Variants in CLEC12A observed in about 807,000 individuals in gnomAD.
CLEC12A encodes C-type lectin domain family 12 member A.
In CLEC12A, 22 loss-of-function variants were observed where a neutral mutation model predicts 26.5. That is an observed-to-expected ratio of 0.83 (90% CI 0.59 to 1.19). The LOEUF is 1.19. CLEC12A is among the 50% of genes most tolerant of loss of function. CLEC12A has a pLI of 0.00. For synonymous variants in CLEC12A, 119 were observed against 101.9 expected (o/e 1.17, Z -1.01); for missense variants, 353 against 315.6 (o/e 1.12, Z -0.90).
intron 5 of CLEC12A, chr12:9,984,242 T>G (rs1429961090): frequency 6.6e-6 from 1 of 152,590 alleles, no homozygotes; most frequent in Non-Finnish European, 1.5e-5. Context: ...AAACATTTAA[T>G]TGATGAACTT....
chr12:10,006,059 C>T, the CLEC12A span, among the ~76,000 whole-genome samples: 1 of 152,152 alleles, frequency 6.6e-6, no homozygotes, highest in African/African-American at 2.4e-5. Flanking sequence ...ATAATACTTC[C>T]ACATTTAATA....
intron 4 of CLEC12A, chr12:9,993,124 T>C (rs765461731): frequency 6.2e-7 from 1 of 1,602,922 alleles, no homozygotes; most frequent in Non-Finnish European, 8.5e-7. Context: ...ATCTGTGTTA[T>C]CCTGTCCACC....
At chr12:10,002,440 G>GTTTTTTTTTTTTTTTTTTTTTTTTTTTTT in the CLEC12A span, among the ~76,000 whole-genome samples, 1 of 40,480 alleles carries the variant, frequency 2.5e-5, no homozygotes, top group Non-Finnish European at 5.0e-5. Context: ...GTTGGGTAAT[G>GTTTTTTTTTTTTTTTTTTTTTTTTTTTTT]TTTTTTTTTT....
chr12:9,979,635 TG>T lies in CLEC12A; in HGVS notation c.379+116del, dbSNP rs1280453662. 7 of 776,128 alleles carry T rather than the reference TG, an allele frequency of 9.0e-6. No individual in the cohort carries two copies. In the East Asian group the frequency reaches 1.7e-4, roughly 18 times the overall value. The allele number at this position is 776,128 out of a possible 1,614,324, so 48.1% of individuals were successfully genotyped here. On this transcript the variant is annotated intron_variant, in intron 3 of 5. Coordinates refer to ENST00000304361, the MANE Select transcript of CLEC12A (RefSeq NM_138337.6). ...AGCCTTTCTCTAGGGAGTCATAATTTGGGGGAAAGAATTACATGTGGTTGAT... is the reference window on the plus strand; with the variant it reads ...AGCCTTTCTCTAGGGAGTCATAATTTGGGGAAAGAATTACATGTGGTTGAT...
Position 9,954,942 on chromosome 12 carries a change from A to G in CLEC12A, c.10+3586A>G, listed in dbSNP as rs531545195. 5.9e-5 allele frequency among the ~76,000 whole-genome samples: 9 copies of G among 152,244 alleles called. No homozygotes were observed. The South Asian group carries it at 1.2e-3, about 21-fold the overall frequency. On this transcript the variant is annotated intron_variant, in intron 1 of 6. Transcript: ENST00000355690. ...TATTTAAAGGTGTCAGGGTTTGACA[A>G]AGAGATTATAAGACTATAAACCCAG...
At chr12:9,987,439 A>T (rs1864792461), downstream of CLEC12A, among the ~76,000 whole-genome samples, 1 of 152,212 alleles carries the variant, frequency 6.6e-6, no homozygotes, top group African/African-American at 2.4e-5. Context: ...CATCAGCCCC[A>T]ATAAATGTGC....
the CLEC12A span, among the ~76,000 whole-genome samples, chr12:10,005,708 A>C: frequency 6.6e-6 from 1 of 152,192 alleles, no homozygotes; most frequent in Non-Finnish European, 1.5e-5. Flanking sequence ...TATTCACCTG[A>C]TGGGGTAAAT....
chr12:9,996,976 TC>T (rs1183719293), downstream of CLEC12A: 1 of 1,614,090 alleles, frequency 6.2e-7, no homozygotes, highest in Non-Finnish European at 8.5e-7. Context: ...CCAGTTTGTG[TC>T]ACAGGGGCTG....
intron 5 of CLEC12A, chr12:9,983,512 C>T: frequency 2.9e-6 from 2 of 695,556 alleles, no homozygotes; most frequent in Non-Finnish European, 5.2e-6. Flanking sequence ...TTTTTAATCT[C>T]TGAAATTTGG....
chr12:9,990,566 G>A (rs1864868383), downstream of CLEC12A, among the ~76,000 whole-genome samples: 1 of 152,150 alleles, frequency 6.6e-6, no homozygotes, highest in African/African-American at 2.4e-5. Context: ...TTATGGATGA[G>A]CAAAGAAAAT....
upstream of CLEC12A, among the ~76,000 whole-genome samples, chr12:9,968,912 T>C (rs1864035715): frequency 6.6e-6 from 1 of 152,204 alleles, no homozygotes; most frequent in Non-Finnish European, 1.5e-5. Context: ...GAATATTATT[T>C]GGCCATAGAA....
rs553435222 is a variant in CLEC12A, at chr12:9,993,429, GTTGAGAAAGTTCCACCC to G, written n.1005-1587_1005-1571del. 562 of 716,478 alleles carry G rather than the reference GTTGAGAAAGTTCCACCC, an allele frequency of 7.8e-4. 2 individuals are homozygous for G. Among genetic ancestry groups the G allele is most frequent in the Middle Eastern group, 2.9e-3 (12 of 4,162 alleles). The allele number at this position is 716,478 out of a possible 1,614,324, so 44.4% of individuals were successfully genotyped here. A position where few individuals can be genotyped will look rare whatever the true frequency, so the allele number is the denominator to read the frequency against. On this transcript the variant is annotated intron_variant and non_coding_transcript_variant, in intron 4 of 4. Transcript: ENST00000449959. ...AACAAAAAAAAAAACGATTCTCATT[GTTGAGAAAGTTCCACCC>G]TGCTTGGCAGTACAAGATATGCATA...
the CLEC12A span, among the ~76,000 whole-genome samples, chr12:10,004,923 A>T: frequency 7.1e-6 from 1 of 141,180 alleles, no homozygotes; most frequent in East Asian, 2.0e-4. Flanking sequence ...CACTCCCCCG[A>T]CCCCACGACA....
chr12:9,964,115 G>T (rs183227618), intron 1 of CLEC12A, among the ~76,000 whole-genome samples: 1 of 152,160 alleles, frequency 6.6e-6, no homozygotes, highest in African/African-American at 2.4e-5. Context: ...AGGTAAATAC[G>T]GGGGGAGTAG....
Position 9,995,284 on chromosome 12 carries a change from C to T in CLEC12A, n.1271C>T, listed in dbSNP as rs1029858096. 3 of 1,521,316 alleles carry T rather than the reference C, an allele frequency of 2.0e-6. No individual in the cohort carries two copies. The East Asian group carries it at 6.8e-5, about 34-fold the overall frequency. 94.2% of individuals were successfully genotyped at this position (1,521,316 alleles called of 1,614,324 possible). ...TAAATAAACACAATGGTCAGAATCC[C>T]TCCACAGCTCTTGGTATGATAGACA... On this transcript the variant is annotated non_coding_transcript_exon_variant, in exon 5 of 5. Coordinates refer to the CLEC12A transcript ENST00000449959.
At chr12:10,004,046 C>T in the CLEC12A span, among the ~76,000 whole-genome samples, 3 of 152,142 alleles carry the variant, frequency 2.0e-5, no homozygotes, top group East Asian at 1.9e-4. Context: ...ATGTGACGGG[C>T]ATGTCTGTCT....
At chr12:9,987,161 C>T (rs3903805), downstream of CLEC12A, among the ~76,000 whole-genome samples, 15,485 of 152,228 alleles carry the variant, frequency 0.1, 895 homozygotes, top group East Asian at 0.16. Context: ...ATGCCATTTA[C>T]AAGCCAACAG....
At chr12:10,004,876 A>ATAC in the CLEC12A span, among the ~76,000 whole-genome samples, 1 of 151,680 alleles carries the variant, frequency 6.6e-6, no homozygotes, top group African/African-American at 2.4e-5. Context: ...TTAACTTGTC[A>ATAC]TTTACATTAG....
chr12:9,970,760 TCAGTATA>T (rs1350367836), upstream of CLEC12A, among the ~76,000 whole-genome samples: 2 of 152,178 alleles, frequency 1.3e-5, no homozygotes, highest in Non-Finnish European at 2.9e-5. Flanking sequence ...TCCAGAGCCC[TCAGTATA>T]CAGACCTTGG....
Sources: allele counts gnomAD v4.1 joint callset (sites outside exome capture counted in the v4.1 genomes callset), GRCh38; gene constraint gnomAD v4.1.1; transcripts MANE v1.5; gene names NCBI Gene and HGNC (gene_info 2026-07-23, HGNC 2026-07-21).